Variants in SHISAL1 observed in about 807,000 individuals in gnomAD.
The protein encoded by SHISAL1 is shisa like 1, also known as protein shisa-like-1.
Under a neutral mutation model 22.6 loss-of-function variants are expected in SHISAL1, and 9 were observed. That is an observed-to-expected ratio of 0.40 (90% confidence interval 0.24 to 0.70). The LOEUF is 0.70. SHISAL1 is among the 30% of genes least tolerant of loss of function. The probability of loss-of-function intolerance (pLI) is 0.39; values close to 1 mark genes in which losing one functional copy is unlikely to be tolerated. For missense variants in SHISAL1, 246 were observed against 270.6 expected (o/e 0.91, Z 0.64); for synonymous variants, 119 against 115.4 (o/e 1.03, Z -0.20).
intron 3 of SHISAL1, among the ~76,000 whole-genome samples, chr22:44,287,764 A>T (rs771095049): frequency 3.9e-5 from 6 of 152,140 alleles, no homozygotes; most frequent in Non-Finnish European, 8.8e-5. Flanking sequence ...ATGCTGGGGC[A>T]GGTGTCCCCG....
At chr22:44,263,121 C>T (rs2055137677) in intron 4 of SHISAL1, among the ~76,000 whole-genome samples, 2 of 131,416 alleles carry the variant, frequency 1.5e-5, no homozygotes, top group African/African-American at 5.6e-5. Flanking sequence ...CTGTGTCGCC[C>T]AGGCAATAGC....
rs1491154287 is a variant in SHISAL1 at position 44,253,425 on chromosome 22, A to ATTTT, written c.*-3741_*-3740insAAAA. On this transcript the variant is annotated intron_variant, in intron 4 of 4. Transcript: ENST00000381176. ...AAGCAGAGTATGCTAGTATTAGTGC[A>ATTTT]TGTTTTTTTTTTTTTTTTTTTTTGA... Among the ~76,000 whole-genome samples the ATTTT allele has an allele frequency of 1.9e-4, 21 of 107,870 alleles. 9 individuals are homozygous for ATTTT. Among genetic ancestry groups the ATTTT allele is most frequent in the Non-Finnish European group, 2.2e-4 (11 of 50,372 alleles). The allele number at this position is 107,870 out of a possible 152,430, so 70.8% of individuals were successfully genotyped here. A position where few individuals can be genotyped will look rare whatever the true frequency, so the allele number is the denominator to read the frequency against.
chr22:44,277,732 C>T (rs1056879010), intron 4 of SHISAL1, among the ~76,000 whole-genome samples: 1 of 152,202 alleles, frequency 6.6e-6, no homozygotes, highest in Admixed American at 6.5e-5. Flanking sequence ...ACCCCCATGG[C>T]CTGAGGTGGA....
chr22:44,280,217 G>C (rs1392417557), intron 4 of SHISAL1, among the ~76,000 whole-genome samples: 2 of 152,202 alleles, frequency 1.3e-5, no homozygotes, highest in Non-Finnish European at 2.9e-5. Flanking sequence ...AGGGATTTGA[G>C]GGGTCAAGGC....
chr22:44,324,996 A>G, the SHISAL1 span, among the ~76,000 whole-genome samples: 1 of 152,114 alleles, frequency 6.6e-6, no homozygotes, highest in Non-Finnish European at 1.5e-5. Context: ...TAATCCCAGC[A>G]CTTTGGGAGG....
chr22:44,311,105 A>C (rs990143359), intron 1 of SHISAL1, among the ~76,000 whole-genome samples: 1 of 151,010 alleles, frequency 6.6e-6, no homozygotes, highest in Non-Finnish European at 1.5e-5. Context: ...CCCTGGGTGG[A>C]AGTCCCTTAT....
At chr22:44,267,611 G>A (rs571381492) in intron 4 of SHISAL1, among the ~76,000 whole-genome samples, 148 of 152,266 alleles carry the variant, frequency 9.7e-4, no homozygotes, top group Middle Eastern at 3.4e-3. Flanking sequence ...TCCCTGGACC[G>A]AGAAGCCCAC....
chr22:44,272,459 G>A (rs1006895074), intron 4 of SHISAL1, among the ~76,000 whole-genome samples: 1 of 152,228 alleles, frequency 6.6e-6, no homozygotes, highest in Non-Finnish European at 1.5e-5. Flanking sequence ...ACGGGGCATG[G>A]CCTGCAGCCA....
At chr22:44,313,231 C>A (rs1000719179), upstream of SHISAL1, among the ~76,000 whole-genome samples, 1 of 152,262 alleles carries the variant, frequency 6.6e-6, no homozygotes, top group Admixed American at 6.5e-5. Flanking sequence ...CAGGTCCGCA[C>A]CTCAGCAGAT....
chr22:44,288,164 C>T lies in SHISAL1; in HGVS notation c.282-2419G>A, dbSNP rs77546872. On this transcript the variant is annotated intron_variant, in intron 3 of 4. Coordinates refer to ENST00000381176, the MANE Select transcript of SHISAL1 (RefSeq NM_001099294.2). The stretch of plus-strand genomic sequence containing the variant: ...GAGGAAACAGCTTTTTCATCATTGT[C>T]ATCCCTGCTTTACGGATGGAAAACT... Among the ~76,000 whole-genome samples, 724 of 152,334 alleles carry T rather than the reference C, an allele frequency of 4.8e-3. 2 individuals carry two copies. The highest frequency in any genetic ancestry group is 8.7e-3 in the Non-Finnish European group (593 of 68,024).
intron 1 of SHISAL1, among the ~76,000 whole-genome samples, chr22:44,301,816 G>A (rs1003325288): frequency 6.6e-6 from 1 of 152,162 alleles, no homozygotes; most frequent in Non-Finnish European, 1.5e-5. Context: ...AACACAGACT[G>A]CAAGATTCCA....
chr22:44,296,710 C>G lies in SHISAL1; in HGVS notation c.243G>C (p.Gln81His), dbSNP rs2055388890. 1 of 1,613,958 alleles carries G rather than the reference C, an allele frequency of 6.2e-7. No homozygotes were observed. The highest frequency in any genetic ancestry group is 1.1e-5 in the South Asian group (1 of 91,076). ...CCTCGGAGCTGGCCGTGAGGTTCGC[C>G]TGCATCACCGCCTGGAACTCCGTCT... The part of the protein sequence containing the change: ...CNETEFQAVM[Q>H]ANLTASSEGY... Residue 81 changes from glutamine (Q) to histidine (H), a missense_variant, in exon 3 of 5, where the codon CAG becomes CAC. Physicochemically the swap from Gln to His is conservative, Grantham distance 24. Coordinates refer to ENST00000381176, the MANE Select transcript of SHISAL1 (RefSeq NM_001099294.2).
chr22:44,328,769 C>T, the SHISAL1 span, among the ~76,000 whole-genome samples: 2 of 152,118 alleles, frequency 1.3e-5, no homozygotes, highest in South Asian at 2.1e-4. Context: ...CCTGGCCACC[C>T]TCCCCTCCTC....
At chr22:44,260,419 A>C (rs572633998) in intron 4 of SHISAL1, among the ~76,000 whole-genome samples, 11 of 152,334 alleles carry the variant, frequency 7.2e-5, no homozygotes, top group African/African-American at 2.6e-4. Context: ...GTGACAATTC[A>C]GTCTCTGGCC....
At chr22:44,309,389 C>T (rs9614437) in intron 1 of SHISAL1, among the ~76,000 whole-genome samples, 142,428 of 152,226 alleles carry the variant, frequency 0.94, 66,673 homozygotes, top group Admixed American at 0.96. Context: ...AACAGTCCTG[C>T]GGGTAGGCAG....
chr22:44,279,001 G>T (rs919880627), intron 4 of SHISAL1, among the ~76,000 whole-genome samples: 1 of 152,064 alleles, frequency 6.6e-6, no homozygotes, highest in Non-Finnish European at 1.5e-5. Flanking sequence ...CACTGTCCAG[G>T]GCAGGCACTG....
At chr22:44,249,728 T>TA in intron 4 of SHISAL1, 43 bp from the exon 5 acceptor site, 1 of 778,414 alleles carries the variant, frequency 1.3e-6, no homozygotes, top group Non-Finnish European at 2.4e-6. Context: ...TGGTGTCTCC[T>TA]CCATGGGGAC....
intron 2 of SHISAL1, 31 bp from the exon 3 acceptor site, chr22:44,296,916 G>T (rs1324326531): frequency 6.4e-7 from 1 of 1,572,272 alleles, no homozygotes; most frequent in South Asian, 1.1e-5. Flanking sequence ...GCTCAGAGGG[G>T]TCCCTCACCA....
At chr22:44,261,340 G>C (rs2055123127) in intron 4 of SHISAL1, among the ~76,000 whole-genome samples, 1 of 151,736 alleles carries the variant, frequency 6.6e-6, no homozygotes, top group Admixed American at 6.6e-5. Context: ...TCTCCACCTA[G>C]AAAACTCCTA....
Sources: allele counts gnomAD v4.1 joint callset (sites outside exome capture counted in the v4.1 genomes callset), GRCh38; gene constraint gnomAD v4.1.1; transcripts MANE v1.5; gene names NCBI Gene and HGNC (gene_info 2026-07-23, HGNC 2026-07-21).